PLEKHA8: variants seen among roughly 807,000 people sequenced by gnomAD.
PLEKHA8 encodes pleckstrin homology domain containing A8.
PLEKHA8 carries 36 observed loss-of-function variants against 68.2 expected under a neutral mutation model. The observed-to-expected ratio is 0.53, with a 90% CI of 0.40 to 0.70. The LOEUF (loss-of-function observed/expected upper bound fraction) is 0.70, where lower values mean the gene tolerates loss of function less well. Among genes scored for constraint, PLEKHA8 ranks in the 30% least tolerant of loss-of-function variants. PLEKHA8 has a pLI of 0.00. For synonymous variants in PLEKHA8, 211 were observed against 216.1 expected, an observed-to-expected ratio of 0.98 and a Z score of 0.20; for missense variants, 505 against 615.4, an observed-to-expected ratio of 0.82 and a Z score of 1.90.
intron 12 of PLEKHA8, among the ~76,000 whole-genome samples, chr7:30,071,403 C>T (rs962507010): frequency 3.3e-5 from 5 of 152,218 alleles, no homozygotes; most frequent in African/African-American, 1.2e-4. Context: ...CCACTCTGCT[C>T]TCTACCCTAC....
At position 30,062,115 on chromosome 7, in the gene PLEKHA8, C is replaced by G; in HGVS notation, c.1229+88C>G. ...AATTGTTACACAAAGGAGACTACTT[C>G]TGAGTGAAGGATCTAGTTGAATTGT... On this transcript the variant is annotated intron_variant, in intron 11 of 13. Coordinates refer to ENST00000449726, the MANE Select transcript of PLEKHA8 (RefSeq NM_001197026.2). 4.2e-6 allele frequency: 6 copies of G among 1,438,924 alleles called. No individual in the cohort carries two copies. In the South Asian group the frequency reaches 8.6e-5, roughly 21 times the overall value. 89.1% of individuals were successfully genotyped at this position (1,438,924 alleles called of 1,614,324 possible). A position where few individuals can be genotyped will look rare whatever the true frequency, so the allele number is the denominator to read the frequency against.
intron 1 of PLEKHA8, 125 bp downstream of exon 1, chr7:30,028,927 G>A (rs571033813): frequency 9.3e-7 from 1 of 1,077,588 alleles, no homozygotes; most frequent in Admixed American, 4.3e-5. Flanking sequence ...AGCGCGGAGC[G>A]GGAGTATTTC....
intron 1 of PLEKHA8, 107 bp downstream of exon 1, chr7:30,028,909 C>T (rs1790427033): frequency 8.7e-7 from 1 of 1,151,408 alleles, no homozygotes; most frequent in Non-Finnish European, 1.1e-6. Context: ...CGGCCCTTTC[C>T]TGAGGCCAGC....
At position 30,081,498 on chromosome 7, in the gene PLEKHA8, T is replaced by G. The variant is rs1364226629; in HGVS notation, c.*2711T>G. Reference sequence around the variant, plus strand: ...TAGTTAAAGTCATAATTTGCGCTGATGTGTAATCACTTTCCAAGAAGAGGG... The same window carrying G: ...TAGTTAAAGTCATAATTTGCGCTGAGGTGTAATCACTTTCCAAGAAGAGGG... On this transcript the variant is annotated 3_prime_UTR_variant, in exon 14 of 14. Transcript: ENST00000449726. The G allele has an allele frequency of 1.0e-6, 1 of 985,234 alleles. No individual in the cohort carries two copies. Among genetic ancestry groups the G allele is most frequent in the Non-Finnish European group, 1.2e-6 (1 of 829,844 alleles). 61.0% of individuals were successfully genotyped at this position (985,234 alleles called of 1,614,324 possible).
intron 6 of PLEKHA8, among the ~76,000 whole-genome samples, chr7:30,052,023 A>G (rs1290083662): frequency 1.3e-5 from 2 of 152,170 alleles, no homozygotes; most frequent in African/African-American, 4.8e-5. Context: ...AAACACAGAG[A>G]AATGGCCAGT....
intron 13 of PLEKHA8, among the ~76,000 whole-genome samples, chr7:30,105,755 G>T (rs1341529814): frequency 1.3e-5 from 2 of 152,144 alleles, no homozygotes; most frequent in Admixed American, 1.3e-4. Context: ...TCCAGGTATT[G>T]CTTGTTCATA....
intron 13 of PLEKHA8, among the ~76,000 whole-genome samples, chr7:30,110,837 T>C (rs1474313877): frequency 1.3e-5 from 2 of 152,224 alleles, no homozygotes; most frequent in African/African-American, 4.8e-5. Context: ...GCAATTTGTA[T>C]ATCTTCTTTA....
At chr7:30,110,642 A>G (rs187818095) in intron 13 of PLEKHA8, among the ~76,000 whole-genome samples, 1 of 152,330 alleles carries the variant, frequency 6.6e-6, no homozygotes, top group East Asian at 1.9e-4. Context: ...TCCAGCAGCA[A>G]TATATAAGGG....
At position 30,028,752 on chromosome 7, in the gene PLEKHA8, C is replaced by T; in HGVS notation, c.-11C>T. The T allele has an allele frequency of 7.9e-7, 1 of 1,261,466 alleles. No homozygotes were observed. The highest frequency in any genetic ancestry group is 1.0e-6 in the Non-Finnish European group (1 of 997,434). 78.1% of individuals were successfully genotyped at this position (1,261,466 alleles called of 1,614,324 possible). A position where few individuals can be genotyped will look rare whatever the true frequency, so the allele number is the denominator to read the frequency against. On this transcript the variant is annotated 5_prime_UTR_variant, in exon 1 of 14. Transcript: ENST00000449726. ...GGGCCGGCGGGCGTGGGCCGAGTGGCCGCGGGCGCCATGGAGGGGGTGCTG... is the reference window on the plus strand; with the variant it reads ...GGGCCGGCGGGCGTGGGCCGAGTGGTCGCGGGCGCCATGGAGGGGGTGCTG...
At chr7:30,115,999 CATACGCAT>C in intron 13 of PLEKHA8, 1 of 141,144 alleles carries the variant, frequency 7.1e-6, no homozygotes, top group Non-Finnish European at 1.6e-5. Context: ...CATACGCATA[CATACGCAT>C]ACATACGCAT....
rs1794204309 is a variant in PLEKHA8, at chr7:30,071,054, G to C, written c.1301-3017G>C. Among the ~76,000 whole-genome samples, 3 of 152,158 alleles carry C rather than the reference G, an allele frequency of 2.0e-5. No homozygotes were observed. The South Asian group carries it at 6.2e-4, about 32-fold the overall frequency. On this transcript the variant is annotated intron_variant, in intron 12 of 13. Coordinates refer to ENST00000449726, the MANE Select transcript of PLEKHA8 (RefSeq NM_001197026.2). Reference sequence around the variant, plus strand: ...TCTGTACAGGGGGAAAAAACTAGCAGAATATTTTTCCTGAATACCCACTGT... The same window carrying C: ...TCTGTACAGGGGGAAAAAACTAGCACAATATTTTTCCTGAATACCCACTGT...
chr7:30,049,467 T>C, intron 5 of PLEKHA8, 85 bp downstream of exon 5: 2 of 1,486,704 alleles, frequency 1.3e-6, no homozygotes, highest in Non-Finnish European at 1.8e-6. Context: ...TATTACCCTT[T>C]AGTGACTTAT....
chr7:30,070,674 T>A (rs1794176604), intron 12 of PLEKHA8, among the ~76,000 whole-genome samples: 1 of 151,534 alleles, frequency 6.6e-6, no homozygotes, highest in African/African-American at 2.4e-5. Context: ...GTCTCCCGAG[T>A]AGCTGGGATT....
rs1349985362 is a variant in PLEKHA8 at position 30,028,821 on chromosome 7, C to G, written c.40+19C>G. 7.9e-7 allele frequency: 1 copy of G among 1,261,128 alleles called. No homozygotes were observed. The highest frequency in any genetic ancestry group is 1.0e-6 in the Non-Finnish European group (1 of 997,668). 78.1% of individuals were successfully genotyped at this position (1,261,128 alleles called of 1,614,324 possible). On this transcript the variant is annotated intron_variant, in intron 1 of 13. Coordinates refer to ENST00000449726, the MANE Select transcript of PLEKHA8 (RefSeq NM_001197026.2). The stretch of plus-strand genomic sequence containing the variant: ...CTGAGCGGTGAGTGGCCGTGCCGGG[C>G]CGGGGGCGCGCCGGGGGCCGGTCCT...
In PLEKHA8 at chr7:30,079,375, C is replaced by T; in HGVS notation, c.*588C>T. 1 of 985,832 alleles carries T rather than the reference C, an allele frequency of 1.0e-6. No homozygotes were observed. The highest frequency in any genetic ancestry group is 1.2e-6 in the Non-Finnish European group (1 of 830,396). The allele number at this position is 985,832 out of a possible 1,614,324, so 61.1% of individuals were successfully genotyped here. On this transcript the variant is annotated 3_prime_UTR_variant, in exon 14 of 14. Coordinates refer to ENST00000449726, the MANE Select transcript of PLEKHA8 (RefSeq NM_001197026.2). ...TTGTGGGAGGCGAAGAAGACGTGGA[C>T]AGGAGTCCCATCCTTGCTGACAGGC... is the stretch of plus-strand genomic sequence containing the variant.
chr7:30,126,093 T>C (rs960501596), intron 13 of PLEKHA8, among the ~76,000 whole-genome samples: 1 of 152,016 alleles, frequency 6.6e-6, no homozygotes, highest in African/African-American at 2.4e-5. Context: ...ATTTTTTTTT[T>C]TCACTCTGAG....
chr7:30,110,571 T>C (rs542639155), intron 13 of PLEKHA8, among the ~76,000 whole-genome samples: 1 of 152,344 alleles, frequency 6.6e-6, no homozygotes, highest in Admixed American at 6.5e-5. Flanking sequence ...ATATGGTAAC[T>C]GTGTTTAACA....
chr7:30,073,959 C>G, intron 12 of PLEKHA8, 112 bp from the exon 13 acceptor site: 1 of 793,100 alleles, frequency 1.3e-6, no homozygotes, highest in Non-Finnish European at 2.0e-6. Context: ...GTACTCTAGC[C>G]TAGGTGACAG....
downstream of PLEKHA8, among the ~76,000 whole-genome samples, chr7:30,085,184 C>T (rs1317043363): frequency 6.6e-6 from 1 of 152,068 alleles, no homozygotes; most frequent in Non-Finnish European, 1.5e-5. Context: ...AGTGATCCGC[C>T]CACCTCAGCC....
Sources: allele counts gnomAD v4.1 joint callset (sites outside exome capture counted in the v4.1 genomes callset), GRCh38; gene constraint gnomAD v4.1.1; transcripts MANE v1.5; gene names NCBI Gene and HGNC (gene_info 2026-07-23, HGNC 2026-07-21).